Variants in USP16 observed in about 807,000 individuals in gnomAD.
The protein encoded by USP16 is ubiquitin carboxyl-terminal hydrolase 16.
USP16 carries 77 observed loss-of-function variants against 95.9 expected under a neutral mutation model. That is an observed-to-expected ratio of 0.80 (90% CI 0.67 to 0.97). The LOEUF is 0.97. USP16 is among the 50% of genes least tolerant of loss of function. USP16 has a pLI of 0.00. For missense variants in USP16, 943 were observed against 959.9 expected, an observed-to-expected ratio of 0.98 and a Z score of 0.23; for synonymous variants, 303 against 318.2, an observed-to-expected ratio of 0.95 and a Z score of 0.51.
chr21:29,038,975 C>T (rs1353950425), intron 7 of USP16, 51 bp from the exon 8 acceptor site: 1 of 1,439,252 alleles, frequency 6.9e-7, no homozygotes, highest in African/African-American at 1.5e-5. Context: ...TTAGTAAAGT[C>T]AGTGATTCCA....
chr21:29,039,507 A>C lies in USP16; in HGVS notation c.890A>C (p.Gln297Pro). 1.2e-6 allele frequency: 2 copies of C among 1,613,396 alleles called. No homozygotes were observed. The highest frequency in any genetic ancestry group is 1.7e-6 in the Non-Finnish European group (2 of 1,179,480). ...KKAVRFKGYQ[Q>P]QDSQELLRYL... Reference sequence around the variant, plus strand: ...GCAGTGCGGTTTAAAGGCTATCAGCAGCAAGACAGCCAGGAGCTGCTTCGC... The same window carrying C: ...GCAGTGCGGTTTAAAGGCTATCAGCCGCAAGACAGCCAGGAGCTGCTTCGC... Residue 297 changes from glutamine (Q) to proline (P), a missense_variant, in exon 9 of 18, where the codon CAG (glutamine) becomes CCG (proline). Coordinates refer to ENST00000399976, the MANE Select transcript of USP16 (RefSeq NM_006447.3).
Position 29,037,408 on chromosome 21 carries a change from C to T in USP16, c.581C>T (p.Thr194Ile), listed in dbSNP as rs2085174926. ...CCCATGAATTCTCCTTGCCAAATAA[C>T]CGTGAAAGGACTCAGTAATTTGGGA... ...NPPMNSPCQI[T>I]VKGLSNLGNT... The change falls in exon 6 of 18, where the codon ACC (threonine) becomes ATC (isoleucine). Residue 194 changes from threonine to isoleucine, a missense_variant. Coordinates refer to ENST00000399976, the MANE Select transcript of USP16 (RefSeq NM_006447.3). 6.2e-7 allele frequency: 1 copy of T among 1,607,778 alleles called. No individual in the cohort carries two copies. Among genetic ancestry groups the T allele is most frequent in the Non-Finnish European group, 8.5e-7 (1 of 1,177,762 alleles).
rs142067068 is a variant in USP16 at position 29,049,708 on chromosome 21, T to A, written c.2107-384T>A. 4.0e-3 allele frequency among the ~76,000 whole-genome samples: 615 copies of A among 152,338 alleles called. 4 individuals carry two copies. In the Middle Eastern group the frequency reaches 0.041, roughly 10 times the overall value. On this transcript the variant is annotated intron_variant, in intron 15 of 17. Transcript: ENST00000399976. Reference sequence around the variant, plus strand: ...TATAGTAGCTGGGACTATAGGTGGCTACCACCATGTCCAGCTAATTTTTTA... The same window carrying A: ...TATAGTAGCTGGGACTATAGGTGGCAACCACCATGTCCAGCTAATTTTTTA...
rs532469368 is a variant in USP16 at position 29,033,018 on chromosome 21, C to G, written c.241-1819C>G. ...TCTCATTGTGGTCAGTTAAAAAAAT[C>G]TGTATGTTAGAAAAGATACTGTTTA... On this transcript the variant is annotated intron_variant, in intron 3 of 17. Coordinates refer to ENST00000399976, the MANE Select transcript of USP16 (RefSeq NM_006447.3). Among the ~76,000 whole-genome samples the G allele has an allele frequency of 3.9e-5, 6 of 152,164 alleles. No homozygotes were observed. The South Asian group carries it at 8.3e-4, about 21-fold the overall frequency.
intron 4 of USP16, 86 bp downstream of exon 4, chr21:29,035,026 C>A (rs931182690): frequency 2.5e-5 from 33 of 1,324,468 alleles, no homozygotes; most frequent in African/African-American, 5.9e-5. Flanking sequence ...AAGAAGAAAG[C>A]AATTTAAAAT....
At chr21:29,037,740 C>G (rs2085182904) in intron 6 of USP16, among the ~76,000 whole-genome samples, 1 of 152,066 alleles carries the variant, frequency 6.6e-6, no homozygotes. Flanking sequence ...CATGCGCCAC[C>G]ACTCCCAGCT....
chr21:29,032,066 G>A (rs1177167435), intron 3 of USP16, among the ~76,000 whole-genome samples: 1 of 152,050 alleles, frequency 6.6e-6, no homozygotes, highest in Non-Finnish European at 1.5e-5. Flanking sequence ...AACATCACAG[G>A]GATCTCTTGT....
At position 29,046,750 on chromosome 21, in the gene USP16, A is replaced by G. The variant is rs763127076; in HGVS notation, c.1440A>G (p.Glu480=). 1.2e-6 allele frequency: 2 copies of G among 1,614,078 alleles called. No homozygotes were observed. The highest frequency in any genetic ancestry group is 1.7e-6 in the Non-Finnish European group (2 of 1,179,982). ...ICTIDHPEDS[E]YEAEMSLQGE... ...CTATTGACCATCCTGAAGACAGTGA[A>G]TATGAAGCTGAAATGTCACTTCAAG... Residue 480 remains glutamate (E), a synonymous_variant, in exon 14 of 18, where the codon GAA becomes GAG. Coordinates refer to ENST00000399976, the MANE Select transcript of USP16 (RefSeq NM_006447.3).
At chr21:29,039,715 G>C in intron 9 of USP16, 147 bp downstream of exon 9, 1 of 621,512 alleles carries the variant, frequency 1.6e-6, no homozygotes, top group South Asian at 2.1e-5. Flanking sequence ...TTTTCAACTA[G>C]TATGTTTTCA....
chr21:29,040,650 T>C lies in USP16; in HGVS notation c.993T>C (p.Thr331=), dbSNP rs1203204219. Reference sequence around the variant, plus strand: ...TACTTAAAGCATTTGGTAATTCTACTGAAAAGTTGGATGAAGAACTAAAAA... The same window carrying C: ...TACTTAAAGCATTTGGTAATTCTACCGAAAAGTTGGATGAAGAACTAAAAA... ...KGILKAFGNS[T]EKLDEELKNK... The change falls in exon 10 of 18, where the codon ACT becomes ACC. Residue 331 remains threonine, a synonymous_variant. Transcript: ENST00000399976. The C allele has an allele frequency of 1.4e-5, 21 of 1,547,944 alleles. No individual in the cohort carries two copies. Among genetic ancestry groups the C allele is most frequent in the Non-Finnish European group, 1.6e-5 (18 of 1,130,118 alleles).
chr21:29,054,217 CATTT>C lies in USP16; in HGVS notation c.*33_*36del. On this transcript the variant is annotated 3_prime_UTR_variant, in exon 18 of 18. Transcript: ENST00000399976. ...ATCAAAAGCACTTTTTCTGGAAACA[CATTT>C]ATGGCTTTTATAATGGCTGAAATAA... The C allele has an allele frequency of 6.3e-7, 1 of 1,593,856 alleles. No individual in the cohort carries two copies. The highest frequency in any genetic ancestry group is 8.6e-7 in the Non-Finnish European group (1 of 1,166,050).
In USP16 at chr21:29,030,792, A is replaced by G. The variant is rs1411528438; in HGVS notation, c.240+19A>G. On this transcript the variant is annotated intron_variant, in intron 3 of 17. Coordinates refer to ENST00000399976, the MANE Select transcript of USP16 (RefSeq NM_006447.3). The stretch of plus-strand genomic sequence containing the variant: ...CCATCAGGTATGCTTACGTTTTAAG[A>G]TCAATATGGGATTTTAGAAAACTCT... 3 of 1,585,704 alleles carry G rather than the reference A, an allele frequency of 1.9e-6. No homozygotes were observed. The highest frequency in any genetic ancestry group is 2.6e-6 in the Non-Finnish European group (3 of 1,170,402).
chr21:29,039,630 GAT>G, intron 9 of USP16, 62 bp downstream of exon 9: 1 of 1,480,218 alleles, frequency 6.8e-7, no homozygotes. Flanking sequence ...TGTCTCATTT[GAT>G]ATCTTACGAG....
chr21:29,025,181 C>T (rs754049557), intron 1 of USP16, among the ~76,000 whole-genome samples: 14 of 152,180 alleles, frequency 9.2e-5, no homozygotes, highest in South Asian at 4.1e-4. Context: ...ATCCAATTGA[C>T]TATATCTAGG....
At chr21:29,040,579 GTA>G (rs759510075) in intron 9 of USP16, 28 bp from the exon 10 acceptor site, 50 of 1,028,944 alleles carry the variant, frequency 4.9e-5, no homozygotes, top group South Asian at 9.7e-5. Context: ...AAATTTAATA[GTA>G]TATATATATC....
intron 1 of USP16, among the ~76,000 whole-genome samples, chr21:29,026,197 G>A (rs2084983991): frequency 6.6e-6 from 1 of 152,136 alleles, no homozygotes; most frequent in Admixed American, 6.6e-5. Flanking sequence ...TGTGGCTCAC[G>A]CCTGTAATCC....
At chr21:29,028,333 G>A (rs886330512) in intron 2 of USP16, among the ~76,000 whole-genome samples, 4 of 151,022 alleles carry the variant, frequency 2.6e-5, no homozygotes, top group Non-Finnish European at 5.9e-5. Flanking sequence ...CCCTGTGTTG[G>A]TCAGGCTGGT....
chr21:29,033,499 C>T (rs2085107307), intron 3 of USP16, among the ~76,000 whole-genome samples: 1 of 152,198 alleles, frequency 6.6e-6, no homozygotes, highest in South Asian at 2.1e-4. Flanking sequence ...AGACTGGTTC[C>T]AGTAGATACA....
At position 29,037,409 on chromosome 21, in the gene USP16, C is replaced by T. The variant is rs189459260; in HGVS notation, c.582C>T (p.Thr194=). 1.6e-4 allele frequency: 258 copies of T among 1,604,956 alleles called. 1 individual carries two copies. Among genetic ancestry groups the T allele is most frequent in the South Asian group, 3.1e-4 (27 of 88,060 alleles). The change falls in exon 6 of 18, where the codon ACC becomes ACT. Residue 194 remains threonine (T), a synonymous_variant. Coordinates refer to ENST00000399976, the MANE Select transcript of USP16 (RefSeq NM_006447.3). The part of the protein sequence containing the change: ...NPPMNSPCQI[T]VKGLSNLGNT... ...CCATGAATTCTCCTTGCCAAATAAC[C>T]GTGAAAGGACTCAGTAATTTGGGAA...
Sources: allele counts gnomAD v4.1 joint callset (sites outside exome capture counted in the v4.1 genomes callset), GRCh38; gene constraint gnomAD v4.1.1; transcripts MANE v1.5; gene names NCBI Gene and HGNC (gene_info 2026-07-23, HGNC 2026-07-21).